Variants in HS6ST3 observed in about 807,000 individuals in gnomAD.
HS6ST3 encodes heparan-sulfate 6-O-sulfotransferase 3.
HS6ST3 carries 12 observed loss-of-function variants against 36.7 expected under a neutral mutation model. The observed-to-expected ratio is 0.33, with a 90% CI of 0.21 to 0.53. The LOEUF is 0.53. Among genes scored for constraint, HS6ST3 ranks in the 20% least tolerant of loss-of-function variants. The pLI is 0.95. For synonymous variants in HS6ST3, 240 were observed against 257.5 expected (o/e 0.93, Z 0.65); for missense variants, 584 against 640.9 (o/e 0.91, Z 0.96).
chr13:96,430,153 T>C (rs926100074), intron 1 of HS6ST3, among the ~76,000 whole-genome samples: 2 of 152,206 alleles, frequency 1.3e-5, no homozygotes, highest in Admixed American at 1.3e-4. Flanking sequence ...GGTATTACCC[T>C]TTTTTAGTTT....
chr13:96,527,625 C>A (rs2056119404), intron 1 of HS6ST3, among the ~76,000 whole-genome samples: 1 of 152,056 alleles, frequency 6.6e-6, no homozygotes, highest in Non-Finnish European at 1.5e-5. Context: ...AGGAGAAATC[C>A]CTTGAACAGA....
At chr13:96,418,638 C>A (rs1566355755) in intron 1 of HS6ST3, among the ~76,000 whole-genome samples, 1 of 152,160 alleles carries the variant, frequency 6.6e-6, no homozygotes, top group Non-Finnish European at 1.5e-5. Flanking sequence ...TTTAATGCTT[C>A]AATCAGCCAC....
chr13:96,347,330 T>C (rs931814465), intron 1 of HS6ST3, among the ~76,000 whole-genome samples: 9 of 152,240 alleles, frequency 5.9e-5, no homozygotes, highest in Non-Finnish European at 1.0e-4. Flanking sequence ...AAAAGCACGT[T>C]ATGGTTGACC....
chr13:96,466,765 A>G (rs1382093878), intron 1 of HS6ST3, among the ~76,000 whole-genome samples: 1 of 43,524 alleles, frequency 2.3e-5, no homozygotes, highest in African/African-American at 4.0e-5. Context: ...CCTTAAATAT[A>G]TGCAATTCTA....
chr13:96,816,640 T>A (rs943205212), intron 1 of HS6ST3, among the ~76,000 whole-genome samples: 1 of 152,198 alleles, frequency 6.6e-6, no homozygotes, highest in African/African-American at 2.4e-5. Context: ...GAGAGCCAGC[T>A]GTCCAGGGGA....
At chr13:96,362,978 T>C (rs994209359) in intron 1 of HS6ST3, among the ~76,000 whole-genome samples, 3 of 152,068 alleles carry the variant, frequency 2.0e-5, no homozygotes, top group Non-Finnish European at 2.9e-5. Flanking sequence ...ATTATAGAAA[T>C]AGAGCATGGA....
At chr13:96,769,454 A>AC (rs1160901385) in intron 1 of HS6ST3, among the ~76,000 whole-genome samples, 15 of 38,436 alleles carry the variant, frequency 3.9e-4, no homozygotes, top group African/African-American at 1.3e-3. Flanking sequence ...CCCTCCCCCC[A>AC]CCCCCCCACA....
intron 1 of HS6ST3, among the ~76,000 whole-genome samples, chr13:96,826,074 A>T (rs1181305493): frequency 1.3e-5 from 2 of 152,250 alleles, no homozygotes; most frequent in Non-Finnish European, 2.9e-5. Flanking sequence ...CTGCTCAGTG[A>T]AACATAGGTT....
Position 96,785,954 on chromosome 13 carries a change from T to C in HS6ST3, c.708-46536T>C, listed in dbSNP as rs149293236. 6.6e-4 allele frequency among the ~76,000 whole-genome samples: 100 copies of C among 152,298 alleles called. 2 individuals are homozygous for C. The highest frequency in any genetic ancestry group is 2.3e-3 in the African/African-American group (97 of 41,570). ...TATAAACCAGATCATGGCTGCTCCT[T>C]TGCTTAAAGAAACAATAATAACAAC... On this transcript the variant is annotated intron_variant, in intron 1 of 1. Coordinates refer to ENST00000376705, the MANE Select transcript of HS6ST3 (RefSeq NM_153456.4).
At chr13:96,200,616 T>C (rs894255050) in intron 1 of HS6ST3, among the ~76,000 whole-genome samples, 15 of 152,194 alleles carry the variant, frequency 9.9e-5, no homozygotes, top group African/African-American at 3.4e-4. Flanking sequence ...GCACATTTTA[T>C]AACTATATTA....
chr13:96,164,952 A>G (rs1444715872), intron 1 of HS6ST3, among the ~76,000 whole-genome samples: 3 of 152,182 alleles, frequency 2.0e-5, no homozygotes, highest in Admixed American at 1.3e-4. Flanking sequence ...TTTCTGATTC[A>G]GTGGAGTTCT....
Position 96,146,640 on chromosome 13 carries a change from CTCT to C in HS6ST3, c.707+55078_707+55080del, listed in dbSNP as rs541767152. 4.0e-3 allele frequency among the ~76,000 whole-genome samples: 611 copies of C among 152,288 alleles called. 2 individuals are homozygous for C. The highest frequency in any genetic ancestry group is 0.017 in the Middle Eastern group (5 of 294). ...ATCAATCATGTCATAAAGATGATGT[CTCT>C]TCTTCTCATTCCTGCCTGACCCTGT... On this transcript the variant is annotated intron_variant, in intron 1 of 1. Coordinates refer to ENST00000376705, the MANE Select transcript of HS6ST3 (RefSeq NM_153456.4).
intron 1 of HS6ST3, among the ~76,000 whole-genome samples, chr13:96,186,413 G>T (rs1170888528): frequency 6.6e-6 from 1 of 152,118 alleles, no homozygotes. Context: ...TCTGCCACTG[G>T]TATCCTTTCT....
chr13:96,288,965 GCC>G (rs2054816749), intron 1 of HS6ST3, among the ~76,000 whole-genome samples: 1 of 151,880 alleles, frequency 6.6e-6, no homozygotes, highest in East Asian at 1.9e-4. Context: ...TTTATAAAGA[GCC>G]TGATTATAAG....
At chr13:96,186,748 A>C (rs2054266688) in intron 1 of HS6ST3, among the ~76,000 whole-genome samples, 1 of 152,222 alleles carries the variant, frequency 6.6e-6, no homozygotes, top group Non-Finnish European at 1.5e-5. Flanking sequence ...ATCCGTTTCT[A>C]ATCAGACTCT....
rs537057198 is a variant in HS6ST3 at position 96,179,625 on chromosome 13, G to A, written c.707+88056G>A. ...TCTTCTTCTCCTTTTGGGCCAACAT[G>A]CGGGAGACTATTACTAAGTCAGTCT... is the stretch of plus-strand genomic sequence containing the variant. On this transcript the variant is annotated intron_variant, in intron 1 of 1. Coordinates refer to ENST00000376705, the MANE Select transcript of HS6ST3 (RefSeq NM_153456.4). Among the ~76,000 whole-genome samples the A allele has an allele frequency of 2.6e-5, 4 of 152,254 alleles. No individual in the cohort carries two copies. The East Asian group carries it at 7.7e-4, about 29-fold the overall frequency.
intron 1 of HS6ST3, among the ~76,000 whole-genome samples, chr13:96,126,960 C>A (rs1463629964): frequency 1.3e-5 from 2 of 152,078 alleles, no homozygotes; most frequent in African/African-American, 4.8e-5. Flanking sequence ...GAAAACTGGG[C>A]CTATAAAGGT....
At chr13:96,459,901 G>GA in intron 1 of HS6ST3, among the ~76,000 whole-genome samples, 1 of 152,294 alleles carries the variant, frequency 6.6e-6, no homozygotes, top group Admixed American at 6.5e-5. Context: ...TTCAGTGTTT[G>GA]AAAGTTGTAG....
chr13:96,126,367 C>T (rs543353582), intron 1 of HS6ST3, among the ~76,000 whole-genome samples: 1 of 152,356 alleles, frequency 6.6e-6, no homozygotes, highest in South Asian at 2.1e-4. Context: ...TTCCTCTCCA[C>T]ATGACCTTAG....
Sources: gnomAD v4.1 joint callset for allele counts (sites outside exome capture counted in the v4.1 genomes callset) on GRCh38, gnomAD v4.1.1 for gene constraint, MANE v1.5 for transcripts, NCBI Gene and HGNC (gene_info 2026-07-23, HGNC 2026-07-21) for gene names.